The following PDE1C variants were observed in gnomAD, a reference collection of about 807,000 sequenced individuals.
PDE1C encodes phosphodiesterase 1C, also known as dual specificity calcium/calmodulin-dependent 3',5'-cyclic nucleotide phosphodiesterase 1C.
PDE1C carries 62 observed loss-of-function variants against 93.1 expected under a neutral mutation model. The observed-to-expected ratio is 0.67, with a 90% CI of 0.54 to 0.82. The LOEUF (loss-of-function observed/expected upper bound fraction) is 0.82, where lower values mean the gene tolerates loss of function less well. PDE1C is among the 40% of genes least tolerant of loss of function. The pLI is 0.00. For missense variants in PDE1C, 742 were observed against 884.6 expected (o/e 0.84, Z 2.04); for synonymous variants, 325 against 310.1 (o/e 1.05, Z -0.50).
At chr7:31,674,665 G>A in the PDE1C span, among the ~76,000 whole-genome samples, 17 of 152,304 alleles carry the variant, frequency 1.1e-4, no homozygotes, top group Middle Eastern at 3.4e-3. Context: ...CTGCAGATCA[G>A]TGGGGAAAGA....
At chr7:32,318,416 G>T (rs1160222553) in intron 1 of PDE1C, among the ~76,000 whole-genome samples, 1 of 152,162 alleles carries the variant, frequency 6.6e-6, no homozygotes, top group Non-Finnish European at 1.5e-5. Context: ...GGCTCTTCCT[G>T]CCCAAATCTC....
intron 1 of PDE1C, among the ~76,000 whole-genome samples, chr7:32,309,147 C>T (rs1442806746): frequency 6.6e-6 from 1 of 152,090 alleles, no homozygotes; most frequent in African/African-American, 2.4e-5. Context: ...GAAAGGATAT[C>T]AGTGATGGAA....
the PDE1C span, among the ~76,000 whole-genome samples, chr7:31,679,921 T>G: frequency 3.9e-5 from 6 of 152,210 alleles, no homozygotes; most frequent in Non-Finnish European, 8.8e-5. Flanking sequence ...TGAAAAATTC[T>G]AATAGCTTAG....
intron 1 of PDE1C, among the ~76,000 whole-genome samples, chr7:32,341,069 T>G (rs1293627715): frequency 6.6e-6 from 1 of 152,010 alleles, no homozygotes; most frequent in African/African-American, 2.4e-5. Flanking sequence ...TGGGGGATGT[T>G]GATAGCAGGG....
chr7:31,723,931 C>A, the PDE1C span, among the ~76,000 whole-genome samples: 1 of 146,208 alleles, frequency 6.8e-6, no homozygotes, highest in South Asian at 2.2e-4. Flanking sequence ...TTTCTTACTG[C>A]CTTTGCATCA....
the PDE1C span, among the ~76,000 whole-genome samples, chr7:31,722,259 C>T: frequency 1.3e-5 from 2 of 152,190 alleles, no homozygotes; most frequent in Non-Finnish European, 2.9e-5. Context: ...GCTCCCACTT[C>T]ATGCTCAAAC....
intron 17 of PDE1C, among the ~76,000 whole-genome samples, chr7:31,756,386 T>G (rs73311189): frequency 0.039 from 5,969 of 152,204 alleles, 371 homozygotes; most frequent in African/African-American, 0.14. Context: ...TTGAGAGATA[T>G]TCCACAAAAT....
At chr7:32,281,309 A>T (rs1235956460) in intron 1 of PDE1C, among the ~76,000 whole-genome samples, 1 of 152,224 alleles carries the variant, frequency 6.6e-6, no homozygotes, top group Non-Finnish European at 1.5e-5. Flanking sequence ...ATCTGAACAT[A>T]AACAAGGCTA....
intron 17 of PDE1C, among the ~76,000 whole-genome samples, chr7:31,758,680 A>G (rs1300657544): frequency 1.3e-5 from 2 of 152,188 alleles, no homozygotes. Context: ...ATATTCTTCT[A>G]TATTATTATA....
intron 16 of PDE1C, chr7:31,786,587 C>T (rs1027297232): frequency 7.9e-5 from 12 of 152,144 alleles, no homozygotes; most frequent in Non-Finnish European, 1.8e-4. Flanking sequence ...TGAATGCTGA[C>T]CGTGTTCCAA....
intron 16 of PDE1C, chr7:31,787,203 A>G (rs1177840870): frequency 6.6e-6 from 1 of 152,168 alleles, no homozygotes; most frequent in Admixed American, 6.6e-5. Flanking sequence ...ATGAATGAAC[A>G]CGTGCACTAG....
intron 1 of PDE1C, among the ~76,000 whole-genome samples, chr7:32,224,053 C>A (rs1294400294): frequency 1.3e-5 from 2 of 152,176 alleles, no homozygotes; most frequent in African/African-American, 4.8e-5. Flanking sequence ...CCCTTGGCAC[C>A]AGTTCTCTAC....
chr7:31,785,878 G>A (rs1194693350), intron 16 of PDE1C: 1 of 152,192 alleles, frequency 6.6e-6, no homozygotes, highest in Admixed American at 6.5e-5. Flanking sequence ...TTGATACCCA[G>A]AGGGAGGTTT....
intron 2 of PDE1C, among the ~76,000 whole-genome samples, chr7:31,995,714 TAC>T (rs1185518075): frequency 6.6e-6 from 1 of 152,112 alleles, no homozygotes; most frequent in East Asian, 1.9e-4. Flanking sequence ...GTTTTACAGC[TAC>T]ACAGAGTGAA....
At chr7:32,254,140 T>C (rs751511361) in intron 1 of PDE1C, among the ~76,000 whole-genome samples, 1 of 151,830 alleles carries the variant, frequency 6.6e-6, no homozygotes. Context: ...ACTCCAAGAG[T>C]ACATTTGAGG....
intron 2 of PDE1C, among the ~76,000 whole-genome samples, chr7:32,037,807 GTGCTTGACTACTAAT>G (rs1791307348): frequency 6.6e-6 from 1 of 152,140 alleles, no homozygotes; most frequent in Admixed American, 6.5e-5. Context: ...ATGTCTCACA[GTGCTTGACTACTAAT>G]TGCATAGTTC....
chr7:31,662,578 A>C, the PDE1C span, among the ~76,000 whole-genome samples: 2 of 149,074 alleles, frequency 1.3e-5, no homozygotes, highest in Non-Finnish European at 2.9e-5. Context: ...TCTGTGTTGT[A>C]TAAGTGTCTG....
intron 3 of PDE1C, among the ~76,000 whole-genome samples, chr7:32,154,901 G>T (rs185477436): frequency 6.6e-6 from 1 of 152,346 alleles, no homozygotes; most frequent in Non-Finnish European, 1.5e-5. Context: ...TAGTTCTCCA[G>T]CCCAGCAGCT....
intron 2 of PDE1C, among the ~76,000 whole-genome samples, chr7:32,208,073 G>A (rs547352048): frequency 6.6e-5 from 10 of 152,228 alleles, no homozygotes; most frequent in Non-Finnish European, 1.0e-4. Flanking sequence ...GGAGGGCAGT[G>A]AGGAATGGGG....
Sources: gnomAD v4.1 joint callset for allele counts (sites outside exome capture counted in the v4.1 genomes callset) on GRCh38, gnomAD v4.1.1 for gene constraint, MANE v1.5 for transcripts, NCBI Gene and HGNC (gene_info 2026-07-23, HGNC 2026-07-21) for gene names.